The following TMPRSS9 variants were observed in gnomAD, a reference collection of about 807,000 sequenced individuals.
TMPRSS9 encodes transmembrane protease serine 9.
In TMPRSS9, 113 loss-of-function variants were observed where a neutral mutation model predicts 111.4. That is an observed-to-expected ratio of 1.01 (90% CI 0.87 to 1.19). TMPRSS9 has a LOEUF of 1.19. Ranked by LOEUF, TMPRSS9 falls within the 50% of genes most tolerant of loss-of-function variation. The pLI is 0.00. For missense variants in TMPRSS9, 1,803 were observed against 1,513.1 expected (o/e 1.19, Z -3.18); for synonymous variants, 805 against 659.1 (o/e 1.22, Z -3.39).
chr19:2,386,960 C>T (rs1242525828), upstream of TMPRSS9, among the ~76,000 whole-genome samples: 2 of 152,202 alleles, frequency 1.3e-5, no homozygotes, highest in Non-Finnish European at 2.9e-5. Context: ...GCACAGTGCA[C>T]CTGTGGTCCC....
intron 1 of TMPRSS9, among the ~76,000 whole-genome samples, chr19:2,383,485 C>A (rs912517509): frequency 1.1e-4 from 17 of 149,698 alleles, no homozygotes; most frequent in African/African-American, 3.9e-4. Context: ...GACCCCGTCT[C>A]TAAAAAAAAA....
intron 9 of TMPRSS9, among the ~76,000 whole-genome samples, chr19:2,412,936 G>C (rs1409879601): frequency 1.3e-5 from 2 of 152,146 alleles, no homozygotes; most frequent in Non-Finnish European, 2.9e-5. Context: ...GCTCACGCCT[G>C]TCATCCCAGC....
At chr19:2,377,923 C>T (rs1216593368) in intron 1 of TMPRSS9, among the ~76,000 whole-genome samples, 1 of 151,004 alleles carries the variant, frequency 6.6e-6, no homozygotes, top group African/African-American at 2.4e-5. Flanking sequence ...CTCTGCCACC[C>T]AGGCTGGCAC....
intron 1 of TMPRSS9, among the ~76,000 whole-genome samples, chr19:2,364,916 T>C (rs1970236577): frequency 6.6e-6 from 1 of 151,462 alleles, no homozygotes; most frequent in South Asian, 2.1e-4. Context: ...GAGGCAGAGC[T>C]TGCAGTGAGC....
At chr19:2,371,074 G>T (rs1395279908) in intron 1 of TMPRSS9, among the ~76,000 whole-genome samples, 1 of 152,000 alleles carries the variant, frequency 6.6e-6, no homozygotes, top group Non-Finnish European at 1.5e-5. Flanking sequence ...CTACTCCCTG[G>T]CCCCGGATGT....
intron 1 of TMPRSS9, among the ~76,000 whole-genome samples, chr19:2,368,117 G>A (rs1599273964): frequency 3.3e-5 from 5 of 152,142 alleles, no homozygotes; most frequent in Admixed American, 1.3e-4. Flanking sequence ...TTGTGGGGCC[G>A]GAGAGGCAGA....
intron 9 of TMPRSS9, among the ~76,000 whole-genome samples, chr19:2,412,228 CTA>C (rs1491127855): frequency 1.5e-5 from 2 of 129,524 alleles, no homozygotes; most frequent in Non-Finnish European, 3.2e-5. Flanking sequence ...ACTTTTGTCT[CTA>C]CAAAAACAAA....
At chr19:2,382,691 A>C (rs1370712229) in intron 1 of TMPRSS9, among the ~76,000 whole-genome samples, 10 of 151,552 alleles carry the variant, frequency 6.6e-5, no homozygotes, top group African/African-American at 2.2e-4. Context: ...ACACACATGC[A>C]CACATGCACA....
intron 1 of TMPRSS9, 64 bp from the exon 3 acceptor site, chr19:2,396,475 C>T (rs768523201): frequency 6.7e-7 from 1 of 1,498,772 alleles, no homozygotes; most frequent in Non-Finnish European, 9.0e-7. Flanking sequence ...GCCTGGGTGG[C>T]AGCTCAGCGG....
chr19:2,410,304 C>G (rs1280874664), exon 9 of TMPRSS9: 2 of 1,614,066 alleles, frequency 1.2e-6, no homozygotes, highest in East Asian at 2.2e-5. Context: ...AGCTGCTGGA[C>G]CAGGCACTGT....
chr19:2,405,520 G>C, exon 7 of TMPRSS9: 1 of 1,594,918 alleles, frequency 6.3e-7, no homozygotes, highest in Non-Finnish European at 8.5e-7. Context: ...CAGGTGGCTG[G>C]TGTCTGCTGC....
intron 1 of TMPRSS9, among the ~76,000 whole-genome samples, chr19:2,371,921 T>C (rs1466960905): frequency 6.6e-6 from 1 of 152,108 alleles, no homozygotes; most frequent in East Asian, 1.9e-4. Flanking sequence ...AGCCACAGGC[T>C]CAATTTGGAG....
At chr19:2,417,981 T>C (rs1971289713) in intron 12 of TMPRSS9, 21 bp from the exon 14 acceptor site, 1 of 1,611,504 alleles carries the variant, frequency 6.2e-7, no homozygotes, top group Non-Finnish European at 8.5e-7. Flanking sequence ...CACGTGGCCT[T>C]TCTGGCTCTT....
upstream of TMPRSS9, among the ~76,000 whole-genome samples, chr19:2,385,644 G>A (rs1464289825): frequency 1.3e-5 from 2 of 152,096 alleles, no homozygotes; most frequent in Non-Finnish European, 2.9e-5. Flanking sequence ...TTGAGGCCAG[G>A]AGTTCAAGGC....
chr19:2,404,504 C>CT (rs1970927926), intron 6 of TMPRSS9, among the ~76,000 whole-genome samples: 1 of 151,144 alleles, frequency 6.6e-6, no homozygotes, highest in Non-Finnish European at 1.5e-5. Flanking sequence ...GATCACGCCA[C>CT]TGTACTCCAG....
At chr19:2,391,794 T>C (rs1599287309) in intron 1 of TMPRSS9, among the ~76,000 whole-genome samples, 1 of 142,372 alleles carries the variant, frequency 7.0e-6, no homozygotes, top group Admixed American at 7.4e-5. Context: ...CGCGACAGAG[T>C]GCAGTGGCAC....
intron 13 of TMPRSS9, 46 bp downstream of exon 14, chr19:2,418,184 C>T (rs1345954168): frequency 1.2e-6 from 2 of 1,606,744 alleles, no homozygotes; most frequent in African/African-American, 1.4e-5. Flanking sequence ...CATGAAATGC[C>T]CACAGCCGTT....
chr19:2,410,326 T>A, exon 9 of TMPRSS9: 1 of 1,614,102 alleles, frequency 6.2e-7, no homozygotes, highest in Non-Finnish European at 8.5e-7. Flanking sequence ...TGCCAGCTTG[T>A]ACGGCCATTC....
chr19:2,413,186 C>G (rs941510387), intron 9 of TMPRSS9, among the ~76,000 whole-genome samples: 1 of 152,076 alleles, frequency 6.6e-6, no homozygotes, highest in Non-Finnish European at 1.5e-5. Context: ...CAGAGCAAAA[C>G]TCTATCTCAA....
Sources: gnomAD v4.1 joint callset for allele counts (sites outside exome capture counted in the v4.1 genomes callset) on GRCh38, gnomAD v4.1.1 for gene constraint, MANE v1.5 for transcripts, NCBI Gene and HGNC (gene_info 2026-07-23, HGNC 2026-07-21) for gene names.